MYO1B: variants seen among roughly 807,000 people sequenced by gnomAD.
The protein encoded by MYO1B is myosin IB.
MYO1B carries 72 observed loss-of-function variants against 159.7 expected under a neutral mutation model. That is an observed-to-expected ratio of 0.45 (90% CI 0.37 to 0.55). The LOEUF is 0.55. MYO1B is among the 20% of genes least tolerant of loss of function. The pLI is 0.00. For missense variants in MYO1B, 1,062 were observed against 1,364.8 expected, an observed-to-expected ratio of 0.78 and a Z score of 3.50; for synonymous variants, 468 against 473.8, an observed-to-expected ratio of 0.99 and a Z score of 0.16.
chr2:191,380,448 A>G lies in MYO1B; in HGVS notation c.1186-1014A>G, dbSNP rs368617600. Among the ~76,000 whole-genome samples the G allele has an allele frequency of 3.9e-5, 6 of 152,338 alleles. No individual in the cohort carries two copies. The East Asian group carries it at 9.6e-4, about 24-fold the overall frequency. On this transcript the variant is annotated intron_variant, in intron 13 of 30. Transcript: ENST00000392318. ...AGTCCAGTTTACCAGTGGTGGAGTC[A>G]TACTATCCCTCGCTCCCACTGCCAC...
At chr2:191,418,481 G>A (rs1260614243) in intron 30 of MYO1B, among the ~76,000 whole-genome samples, 2 of 33,316 alleles carry the variant, frequency 6.0e-5, no homozygotes, top group Non-Finnish European at 1.7e-4. Flanking sequence ...CTCTTTAGTG[G>A]ATTTTTTTTT....
chr2:191,309,112 A>G (rs1255776174), intron 3 of MYO1B, among the ~76,000 whole-genome samples: 6 of 152,140 alleles, frequency 3.9e-5, no homozygotes, highest in East Asian at 3.9e-4. Flanking sequence ...CGATCCAGCT[A>G]TGTTGAGCTC....
At chr2:191,325,895 G>A (rs1048845524) in intron 3 of MYO1B, among the ~76,000 whole-genome samples, 1 of 152,074 alleles carries the variant, frequency 6.6e-6, no homozygotes, top group Admixed American at 6.6e-5. Flanking sequence ...GATAGATACA[G>A]CTGTCTGGAA....
At chr2:191,418,170 A>G (rs767367008) in intron 30 of MYO1B, among the ~76,000 whole-genome samples, 22 of 152,220 alleles carry the variant, frequency 1.4e-4, no homozygotes, top group Non-Finnish European at 2.8e-4. Context: ...CAGGTGGCAC[A>G]GGAAGCCTGC....
chr2:191,266,818 G>A (rs190099420), intron 1 of MYO1B, among the ~76,000 whole-genome samples: 9 of 152,298 alleles, frequency 5.9e-5, no homozygotes, highest in Admixed American at 2.6e-4. Flanking sequence ...TATAGCAGCC[G>A]CTGTTATTTT....
intron 15 of MYO1B, among the ~76,000 whole-genome samples, chr2:191,385,149 G>A (rs1161325977): frequency 1.3e-5 from 2 of 152,224 alleles, no homozygotes; most frequent in African/African-American, 4.8e-5. Context: ...ATTTAGCAAA[G>A]TAGAAGCTTC....
intron 4 of MYO1B, 87 bp downstream of exon 4, chr2:191,330,116 A>G: frequency 8.7e-7 from 1 of 1,151,840 alleles, no homozygotes; most frequent in Non-Finnish European, 1.3e-6. Context: ...CTCCTTAGCA[A>G]GATCTGTCGC....
At chr2:191,418,368 T>A (rs1371164416) in intron 30 of MYO1B, among the ~76,000 whole-genome samples, 1 of 152,136 alleles carries the variant, frequency 6.6e-6, no homozygotes, top group African/African-American at 2.4e-5. Flanking sequence ...CCTTGCTTTT[T>A]CCTTCCCAGA....
intron 27 of MYO1B, 112 bp downstream of exon 27, chr2:191,411,284 G>C (rs964186831): frequency 1.6e-6 from 1 of 613,144 alleles, no homozygotes; most frequent in Non-Finnish European, 2.9e-6. Flanking sequence ...GTGATTTTTA[G>C]TTCTGTGAAT....
intron 5 of MYO1B, among the ~76,000 whole-genome samples, chr2:191,344,551 C>A (rs1309248234): frequency 1.3e-5 from 2 of 152,144 alleles, no homozygotes; most frequent in Non-Finnish European, 2.9e-5. Context: ...AAAAACACAG[C>A]CGGGCGTGGT....
intron 10 of MYO1B, 24 bp downstream of exon 10, chr2:191,363,899 T>C: frequency 6.2e-7 from 1 of 1,610,216 alleles, no homozygotes; most frequent in Non-Finnish European, 8.5e-7. Flanking sequence ...GAATCAACTT[T>C]GTTTGTTTAG....
At chr2:191,284,141 G>A (rs1339681892) in intron 2 of MYO1B, among the ~76,000 whole-genome samples, 1 of 152,176 alleles carries the variant, frequency 6.6e-6, no homozygotes, top group Non-Finnish European at 1.5e-5. Flanking sequence ...GCTGCACATG[G>A]CTCTTCACCT....
At chr2:191,416,457 A>C (rs995889531) in intron 30 of MYO1B, 4 of 543,656 alleles carry the variant, frequency 7.4e-6, no homozygotes, top group Non-Finnish European at 1.3e-5. Context: ...TGTACAAATA[A>C]AATGATGAAA....
At chr2:191,316,775 A>C (rs1055575972) in intron 3 of MYO1B, among the ~76,000 whole-genome samples, 4 of 152,188 alleles carry the variant, frequency 2.6e-5, no homozygotes, top group East Asian at 1.9e-4. Flanking sequence ...AGGACTTGTC[A>C]CTGAGTTGAT....
At chr2:191,295,469 TTA>T (rs1465305048) in intron 2 of MYO1B, among the ~76,000 whole-genome samples, 2 of 152,216 alleles carry the variant, frequency 1.3e-5, no homozygotes, top group Admixed American at 6.5e-5. Context: ...AATGTTGACA[TTA>T]AATGTACTTT....
intron 20 of MYO1B, among the ~76,000 whole-genome samples, chr2:191,393,487 A>T (rs529053037): frequency 1.4e-4 from 22 of 152,340 alleles, no homozygotes; most frequent in South Asian, 2.1e-4. Context: ...TCAGTGTGCC[A>T]TACCGCCTTT....
intron 27 of MYO1B, among the ~76,000 whole-genome samples, chr2:191,411,666 G>C (rs1385890286): frequency 6.6e-6 from 1 of 152,126 alleles, no homozygotes; most frequent in Non-Finnish European, 1.5e-5. Flanking sequence ...GGTGCCCTTT[G>C]GTCTGCTAAC....
rs147946563 is a variant in MYO1B at position 191,268,965 on chromosome 2, T to C, written c.-9-7922T>C. ...ACTAAGGAGAAAGGCTGTGGAATCA[T>C]GTGTTCTCTGCTAAGGAATTTCTTT... On this transcript the variant is annotated intron_variant, in intron 1 of 30. Coordinates refer to ENST00000392318, the MANE Select transcript of MYO1B (RefSeq NM_001130158.3). Among the ~76,000 whole-genome samples the C allele has an allele frequency of 2.8e-3, 433 of 152,336 alleles. 1 individual carries two copies. The highest frequency in any genetic ancestry group is 5.1e-3 in the Non-Finnish European group (344 of 68,026).
intron 3 of MYO1B, among the ~76,000 whole-genome samples, chr2:191,298,330 G>T (rs1222556623): frequency 2.0e-5 from 3 of 152,208 alleles, no homozygotes; most frequent in African/African-American, 7.2e-5. Context: ...AATAATATCT[G>T]AAATTTGTTT....
Sources: gnomAD v4.1 joint callset for allele counts (sites outside exome capture counted in the v4.1 genomes callset) on GRCh38, gnomAD v4.1.1 for gene constraint, MANE v1.5 for transcripts, NCBI Gene and HGNC (gene_info 2026-07-23, HGNC 2026-07-21) for gene names.